The following WSCD2 variants were observed in gnomAD, a reference collection of about 807,000 sequenced individuals.
The protein encoded by WSCD2 is sialate:O-sulfotransferase 2.
WSCD2 carries 28 observed loss-of-function variants against 55.7 expected under a neutral mutation model. The ratio of observed to expected loss-of-function variants is 0.50; its 90% CI spans 0.37 to 0.69. The LOEUF is 0.69. Among genes scored for constraint, WSCD2 ranks in the 30% least tolerant of loss-of-function variants. The probability of loss-of-function intolerance (pLI) is 0.00; values close to 1 mark genes in which losing one functional copy is unlikely to be tolerated. For missense variants in WSCD2, 616 were observed against 762.1 expected (o/e 0.81, Z 2.26); for synonymous variants, 301 against 301.9 (o/e 1.00, Z 0.03).
chr12:108,249,424 T>G lies in WSCD2; in HGVS notation c.*1081T>G, dbSNP rs1225589061. 6.6e-6 allele frequency: 1 copy of G among 152,368 alleles called. No individual in the cohort carries two copies. Among genetic ancestry groups the G allele is most frequent in the East Asian group, 1.9e-4 (1 of 5,196 alleles). 9.4% of individuals were successfully genotyped at this position (152,368 alleles called of 1,614,324 possible). On this transcript the variant is annotated 3_prime_UTR_variant, in exon 9 of 9. Transcript: ENST00000547525. ...ATGGGGTGAATGAAATTGTGTCATTTCTATACAAACACTGCTCTCTTGATG... is the reference window on the plus strand; with the variant it reads ...ATGGGGTGAATGAAATTGTGTCATTGCTATACAAACACTGCTCTCTTGATG...
Position 108,250,126 on chromosome 12 carries a change from G to A in WSCD2, c.*1783G>A, listed in dbSNP as rs1890348674. ...AGTTTTGTTGATGATTCTACCATGT[G>A]GTAGAGTGTTGTGTAAGACAGGTTC... On this transcript the variant is annotated 3_prime_UTR_variant, in exon 9 of 9. Transcript: ENST00000547525. 1 of 151,992 alleles carries A rather than the reference G, an allele frequency of 6.6e-6. No homozygotes were observed. The highest frequency in any genetic ancestry group is 2.4e-5 in the African/African-American group (1 of 41,300). The allele number at this position is 151,992 out of a possible 1,614,324, so 9.4% of individuals were successfully genotyped here. A position where few individuals can be genotyped will look rare whatever the true frequency, so the allele number is the denominator to read the frequency against.
intron 1 of WSCD2, among the ~76,000 whole-genome samples, chr12:108,139,375 T>G (rs376255947): frequency 6.6e-6 from 1 of 152,214 alleles, no homozygotes; most frequent in African/African-American, 2.4e-5. Flanking sequence ...TCACCAGCCC[T>G]TGTGAACTGG....
chr12:108,137,606 T>C (rs1876356022), intron 1 of WSCD2, among the ~76,000 whole-genome samples: 1 of 152,220 alleles, frequency 6.6e-6, no homozygotes, highest in African/African-American at 2.4e-5. Flanking sequence ...GGGAATTTAG[T>C]GTAGTGGTCC....
At chr12:108,208,133 G>C (rs7973976) in intron 3 of WSCD2, among the ~76,000 whole-genome samples, 2 of 152,070 alleles carry the variant, frequency 1.3e-5, no homozygotes, top group East Asian at 3.9e-4. Flanking sequence ...CCTGATTCCA[G>C]GTGCTGGAGA....
intron 1 of WSCD2, among the ~76,000 whole-genome samples, chr12:108,190,232 A>T (rs796867195): frequency 1.1e-4 from 17 of 152,320 alleles, no homozygotes; most frequent in African/African-American, 4.1e-4. Flanking sequence ...TATTTTTATT[A>T]TTAGAACAAG....
chr12:108,137,104 G>C (rs1258473642), intron 1 of WSCD2, among the ~76,000 whole-genome samples: 2 of 152,196 alleles, frequency 1.3e-5, no homozygotes, highest in East Asian at 3.8e-4. Context: ...GGCTAAGATG[G>C]CCCTGATTTC....
rs115128499 is a variant in WSCD2, at chr12:108,203,038, T to G, written c.383-3251T>G. 5.8e-3 allele frequency among the ~76,000 whole-genome samples: 883 copies of G among 152,178 alleles called. 5 individuals carry two copies. Among genetic ancestry groups the G allele is most frequent in the African/African-American group, 0.02 (850 of 41,520 alleles). ...CCAATCCTGGACTCAGTGTGGCATA[T>G]AGGAAGGGGCAACTTTGAATAGACA... On this transcript the variant is annotated intron_variant, in intron 2 of 8. Coordinates refer to ENST00000547525, the MANE Select transcript of WSCD2 (RefSeq NM_014653.4).
chr12:108,135,637 T>C (rs552842974), intron 1 of WSCD2, among the ~76,000 whole-genome samples: 44 of 152,338 alleles, frequency 2.9e-4, no homozygotes, highest in Admixed American at 2.0e-3. Flanking sequence ...ATCCTGACTG[T>C]CTGAAACTGA....
At chr12:108,234,737 C>G (rs1388403416) in intron 7 of WSCD2, among the ~76,000 whole-genome samples, 2 of 152,170 alleles carry the variant, frequency 1.3e-5, no homozygotes, top group Non-Finnish European at 2.9e-5. Flanking sequence ...ATGGCTGGCC[C>G]ACATTCTCAC....
intron 8 of WSCD2, among the ~76,000 whole-genome samples, chr12:108,241,460 A>G (rs986650207): frequency 2.0e-5 from 3 of 152,210 alleles, no homozygotes; most frequent in African/African-American, 7.2e-5. Context: ...GGCTTCGGAA[A>G]AGGCTAACTT....
rs1208880006 is a variant in WSCD2, at chr12:108,195,813, C to G, written c.-20C>G. On this transcript the variant is annotated 5_prime_UTR_variant, in exon 2 of 9. Coordinates refer to ENST00000547525, the MANE Select transcript of WSCD2 (RefSeq NM_014653.4). Reference sequence around the variant, plus strand: ...GCACCCCAGCCAAGCCCCAGAGAGCCAGTCCGGAATGATCCCACTATGGCC... The same window carrying G: ...GCACCCCAGCCAAGCCCCAGAGAGCGAGTCCGGAATGATCCCACTATGGCC... 3 of 1,579,458 alleles carry G rather than the reference C, an allele frequency of 1.9e-6. No homozygotes were observed. Among genetic ancestry groups the G allele is most frequent in the African/African-American group, 1.3e-5 (1 of 74,210 alleles).
intron 4 of WSCD2, among the ~76,000 whole-genome samples, chr12:108,223,756 C>T (rs111406594): frequency 6.6e-4 from 101 of 152,314 alleles, no homozygotes; most frequent in African/African-American, 2.3e-3. Flanking sequence ...CAGGAAGTTA[C>T]GCCCCAGCCT....
chr12:108,211,813 C>T (rs1370966969), intron 4 of WSCD2, among the ~76,000 whole-genome samples: 5 of 116,732 alleles, frequency 4.3e-5, no homozygotes, highest in Non-Finnish European at 7.1e-5. Flanking sequence ...GCCACCATGC[C>T]TGGCTAATTT....
Position 108,248,173 on chromosome 12 carries a change from G to A in WSCD2, c.1528G>A (p.Val510Met). ...VAVREDRLLC[V>M]ESQKDGNFKR... ...TGTCAGGGAGGACCGGCTGCTCTGT[G>A]TGGAGAGCCAGAAGGATGGCAACTT... The change falls in exon 9 of 9, where the codon GTG becomes ATG. Residue 510 changes from valine (V) to methionine (M), a missense_variant. Val to Met is a conservative substitution (Grantham distance 21, BLOSUM62 1). Coordinates refer to ENST00000547525, the MANE Select transcript of WSCD2 (RefSeq NM_014653.4). The surrounding 1 kb of genome is among the most constrained non-coding windows in gnomAD (Gnocchi z 4.3). 1 of 1,614,248 alleles carries A rather than the reference G, an allele frequency of 6.2e-7. No individual in the cohort carries two copies. Among genetic ancestry groups the A allele is most frequent in the African/African-American group, 1.3e-5 (1 of 75,076 alleles).
chr12:108,208,228 G>A (rs1885675716), intron 3 of WSCD2, among the ~76,000 whole-genome samples: 1 of 152,070 alleles, frequency 6.6e-6, no homozygotes, highest in South Asian at 2.1e-4. Flanking sequence ...ATAGGCTTGG[G>A]CAATAGAATA....
intron 1 of WSCD2, among the ~76,000 whole-genome samples, chr12:108,145,160 A>G (rs1592880156): frequency 6.6e-6 from 1 of 152,120 alleles, no homozygotes; most frequent in African/African-American, 2.4e-5. Context: ...CTCCCACCTC[A>G]GGACCTTTGC....
chr12:108,230,649 A>T (rs1888649116), intron 6 of WSCD2, among the ~76,000 whole-genome samples: 1 of 152,252 alleles, frequency 6.6e-6, no homozygotes, highest in African/African-American at 2.4e-5. Flanking sequence ...TGTGAAATTA[A>T]TGAGGCTCAC....
chr12:108,153,587 A>C (rs7300781), intron 1 of WSCD2, among the ~76,000 whole-genome samples: 1 of 152,086 alleles, frequency 6.6e-6, no homozygotes, highest in Non-Finnish European at 1.5e-5. Context: ...GTGGGGAGCT[A>C]TATTCACCCC....
At chr12:108,136,526 G>A (rs772394847) in intron 1 of WSCD2, among the ~76,000 whole-genome samples, 1 of 152,168 alleles carries the variant, frequency 6.6e-6, no homozygotes, top group Non-Finnish European at 1.5e-5. Flanking sequence ...TGTGTATGCA[G>A]GGTGTTTACA....
Sources: allele counts gnomAD v4.1 joint callset (sites outside exome capture counted in the v4.1 genomes callset), GRCh38; gene constraint gnomAD v4.1.1; non-coding constraint Gnocchi (gnomAD v3.1); transcripts MANE v1.5; gene names NCBI Gene and HGNC (gene_info 2026-07-23, HGNC 2026-07-21).